Variants in DIAPH3 observed in about 807,000 individuals in gnomAD.
DIAPH3 encodes protein diaphanous homolog 3.
DIAPH3 carries 117 observed loss-of-function variants against 144.3 expected under a neutral mutation model. The observed-to-expected ratio is 0.81, with a 90% CI of 0.70 to 0.95. DIAPH3 has a LOEUF of 0.95. Ranked by LOEUF, DIAPH3 falls within the 40% of genes least tolerant of loss-of-function variation. The probability of loss-of-function intolerance (pLI) is 0.00; values close to 1 mark genes in which losing one functional copy is unlikely to be tolerated. For synonymous variants in DIAPH3, 519 were observed against 488.9 expected, an observed-to-expected ratio of 1.06 and a Z score of -0.81; for missense variants, 1,421 against 1,412.7, an observed-to-expected ratio of 1.01 and a Z score of -0.09.
intron 23 of DIAPH3, chr13:59,838,013 ATT>A (rs2139757697): frequency 6.6e-6 from 1 of 152,284 alleles, no homozygotes; most frequent in South Asian, 2.1e-4. Context: ...CCAAATATTA[ATT>A]TTGTGATTCA....
chr13:59,945,466 G>T (rs2140407760), intron 17 of DIAPH3, among the ~76,000 whole-genome samples: 1 of 152,276 alleles, frequency 6.6e-6, no homozygotes, highest in African/African-American at 2.4e-5. Context: ...CTGAATAACT[G>T]TTCAGCTGGC....
chr13:60,093,580 T>C (rs746920507), intron 4 of DIAPH3, 48 bp downstream of exon 4: 4 of 1,284,946 alleles, frequency 3.1e-6, no homozygotes, highest in South Asian at 1.2e-5. Flanking sequence ...CTGTTTTCCA[T>C]GTTAAAACAT....
intron 17 of DIAPH3, among the ~76,000 whole-genome samples, chr13:59,943,548 A>T (rs895999112): frequency 6.6e-6 from 1 of 151,966 alleles, no homozygotes; most frequent in Non-Finnish European, 1.5e-5. Flanking sequence ...TCACTCACTC[A>T]CTCCCTCCCA....
intron 4 of DIAPH3, among the ~76,000 whole-genome samples, chr13:60,065,179 G>A (rs1354027000): frequency 1.4e-5 from 2 of 142,594 alleles, no homozygotes; most frequent in Non-Finnish European, 3.0e-5. Context: ...GAAATATGAA[G>A]TAAACACATG....
At chr13:59,835,048 C>T (rs1249370537) in intron 23 of DIAPH3, among the ~76,000 whole-genome samples, 1 of 151,772 alleles carries the variant, frequency 6.6e-6, no homozygotes, top group Non-Finnish European at 1.5e-5. Flanking sequence ...AAATATATCC[C>T]ACATTTATTT....
intron 13 of DIAPH3, among the ~76,000 whole-genome samples, chr13:59,982,038 C>A (rs1594212161): frequency 6.6e-6 from 1 of 151,550 alleles, no homozygotes; most frequent in East Asian, 1.9e-4. Flanking sequence ...GTCAAATTAT[C>A]TGTGCCTCAT....
intron 7 of DIAPH3, among the ~76,000 whole-genome samples, chr13:60,015,351 C>A (rs1444825179): frequency 6.6e-6 from 1 of 152,106 alleles, no homozygotes; most frequent in African/African-American, 2.4e-5. Flanking sequence ...TACGTTTATT[C>A]TCAATATTAC....
Position 59,974,405 on chromosome 13 carries a change from T to C in DIAPH3, c.1597A>G (p.Lys533Glu), listed in dbSNP as rs765541746. The C allele has an allele frequency of 1.2e-6, 2 of 1,612,402 alleles. No homozygotes were observed. The highest frequency in any genetic ancestry group is 3.3e-5 in the Admixed American group (2 of 59,890). The change falls in exon 15 of 28, where the codon AAA becomes GAA. Residue 533 changes from lysine (K) to glutamate (E), a missense_variant. By Grantham distance (56) the Lys-to-Glu change is moderately conservative. Transcript: ENST00000400324. ...HQETQAELQK[K>E]EAKINELQAE... ...TGAAGCTCATTAATCTTTGCCTCTT[T>C]TTTCTGCAATTCAGCCTGAGTTTCT...
intron 13 of DIAPH3, 131 bp downstream of exon 13, chr13:59,983,638 C>T: frequency 3.1e-6 from 2 of 640,212 alleles, no homozygotes; most frequent in Non-Finnish European, 2.7e-6. Context: ...TGTTTTTGTG[C>T]TATTATGAAA....
At chr13:59,961,192 T>C (rs560522764) in intron 17 of DIAPH3, among the ~76,000 whole-genome samples, 1 of 152,328 alleles carries the variant, frequency 6.6e-6, no homozygotes, top group Non-Finnish European at 1.5e-5. Context: ...CACAAAACTT[T>C]ACAAGTTGAA....
In DIAPH3 at chr13:60,018,273, CTG is replaced by C. The variant is rs1594359157; in HGVS notation, c.627-2130_627-2129del. 3.3e-5 allele frequency among the ~76,000 whole-genome samples: 5 copies of C among 152,154 alleles called. No homozygotes were observed. In the East Asian group the frequency reaches 9.6e-4, roughly 29 times the overall value. On this transcript the variant is annotated intron_variant, in intron 5 of 27. Transcript: ENST00000400324. ...TTAATCATTGTGAAGAATAAAATCA[CTG>C]TTCATCAAACTGCCTCACACCAAAA... is the stretch of plus-strand genomic sequence containing the variant.
At chr13:60,148,918 C>T (rs1222813950) in intron 1 of DIAPH3, among the ~76,000 whole-genome samples, 1 of 152,190 alleles carries the variant, frequency 6.6e-6, no homozygotes, top group African/African-American at 2.4e-5. Context: ...GAATATAAAC[C>T]TCTTGAAATC....
chr13:59,858,396 T>A (rs2043379294), intron 22 of DIAPH3, among the ~76,000 whole-genome samples: 1 of 152,104 alleles, frequency 6.6e-6, no homozygotes, highest in Non-Finnish European at 1.5e-5. Context: ...GCACAGTTTC[T>A]GACACAGTGT....
At chr13:60,013,105 CA>C (rs2053390195) in intron 7 of DIAPH3, 25 of 985,126 alleles carry the variant, frequency 2.5e-5, no homozygotes, top group Non-Finnish European at 2.8e-5. Context: ...AGAGGCATGA[CA>C]AATTTTGAAA....
chr13:59,821,094 G>T (rs2041045990), intron 24 of DIAPH3, among the ~76,000 whole-genome samples: 1 of 151,902 alleles, frequency 6.6e-6, no homozygotes, highest in Non-Finnish European at 1.5e-5. Context: ...ACAAGTCAGG[G>T]ATCTCTTTAA....
chr13:60,067,562 G>A (rs1421921483), intron 4 of DIAPH3, among the ~76,000 whole-genome samples: 1 of 152,114 alleles, frequency 6.6e-6, no homozygotes, highest in Non-Finnish European at 1.5e-5. Context: ...TTCCTTCACA[G>A]TAAGTCTATC....
intron 27 of DIAPH3, among the ~76,000 whole-genome samples, chr13:59,749,637 T>C (rs1046027148): frequency 3.3e-5 from 5 of 151,808 alleles, no homozygotes; most frequent in Non-Finnish European, 7.4e-5. Context: ...TTCACAATTT[T>C]ATATGCAAGA....
At chr13:60,024,907 G>A (rs1432619953) in intron 5 of DIAPH3, among the ~76,000 whole-genome samples, 3 of 152,006 alleles carry the variant, frequency 2.0e-5, no homozygotes, top group African/African-American at 7.2e-5. Flanking sequence ...TGCTCACCAT[G>A]TAACCTACAA....
At chr13:60,100,628 A>C (rs1057004666) in intron 3 of DIAPH3, among the ~76,000 whole-genome samples, 4 of 152,178 alleles carry the variant, frequency 2.6e-5, no homozygotes, top group African/African-American at 9.7e-5. Flanking sequence ...AAAGGTATAC[A>C]AGAATTCTCT....
Sources: gnomAD v4.1 joint callset for allele counts (sites outside exome capture counted in the v4.1 genomes callset) on GRCh38, gnomAD v4.1.1 for gene constraint, MANE v1.5 for transcripts, NCBI Gene and HGNC (gene_info 2026-07-23, HGNC 2026-07-21) for gene names.